The following EPS8L3 variants were observed in gnomAD, a reference collection of about 807,000 sequenced individuals.
EPS8L3 encodes the protein EPS8 signaling adaptor L3.
Under a neutral mutation model 88.5 loss-of-function variants are expected in EPS8L3, and 80 were observed. That is an observed-to-expected ratio of 0.90 (90% CI 0.75 to 1.09). The LOEUF (loss-of-function observed/expected upper bound fraction) is 1.09, where lower values mean the gene tolerates loss of function less well. Among genes scored for constraint, EPS8L3 ranks in the 50% least tolerant of loss-of-function variants. EPS8L3 has a pLI of 0.00. For synonymous variants in EPS8L3, 286 were observed against 291.0 expected (o/e 0.98, Z 0.18); for missense variants, 721 against 735.2 (o/e 0.98, Z 0.22).
rs762350313 is a variant in EPS8L3 at position 109,759,767 on chromosome 1, C to T, written c.166G>A (p.Glu56Lys). 11 of 1,614,022 alleles carry T rather than the reference C, an allele frequency of 6.8e-6. No homozygotes were observed. The highest frequency in any genetic ancestry group is 2.2e-5 in the East Asian group (1 of 44,898). Residue 56 changes from glutamate (E) to lysine (K), a missense_variant, in exon 4 of 19, where the codon GAG (glutamate) becomes AAG (lysine). Glu to Lys is a moderately conservative substitution (Grantham distance 56, BLOSUM62 1). Transcript: ENST00000361965. This position sits in a 1 kb window ranked among gnomAD's most constrained non-coding sequence, Gnocchi z 4.2. ...CACACCCGGCCCTGTGCATCCATCT[C>T]GAACAGCTTCTGCAAGGCATCCTCG... ...GPEDALQKLFEMDAQGRVWSQ... is the reference protein window; with the variant it reads ...GPEDALQKLFKMDAQGRVWSQ...
chr1:109,759,896 G>T lies in EPS8L3; in HGVS notation c.97-60C>A. On this transcript the variant is annotated intron_variant, in intron 3 of 18. Transcript: ENST00000361965. The surrounding 1 kb of genome is among the most constrained non-coding windows in gnomAD (Gnocchi z 4.2). Reference sequence around the variant, plus strand: ...AAGCTCAGAGAGGTGGACCACAGGCGTGCTGGGTAGAGAAAAGCAGAAGAG... The same window carrying T: ...AAGCTCAGAGAGGTGGACCACAGGCTTGCTGGGTAGAGAAAAGCAGAAGAG... 2 of 1,565,116 alleles carry T rather than the reference G, an allele frequency of 1.3e-6. No homozygotes were observed. The highest frequency in any genetic ancestry group is 1.1e-5 in the South Asian group (1 of 87,482).
intron 7 of EPS8L3, 32 bp from the exon 8 acceptor site, chr1:109,758,463 T>C (rs1650532499): frequency 6.4e-7 from 1 of 1,572,524 alleles, no homozygotes; most frequent in Admixed American, 1.9e-5. Context: ...GACCTAGATC[T>C]TAGATCTTTG....
At position 109,751,262 on chromosome 1, in the gene EPS8L3, A is replaced by C; in HGVS notation, c.1637+16T>G. The C allele has an allele frequency of 6.2e-7, 1 of 1,612,320 alleles. No individual in the cohort carries two copies. Among genetic ancestry groups the C allele is most frequent in the Non-Finnish European group, 8.5e-7 (1 of 1,178,890 alleles). On this transcript the variant is annotated intron_variant, in intron 17 of 18. Transcript: ENST00000361965. Reference sequence around the variant, plus strand: ...CAAAGTTTCTCCCTCCATATCCTGTAGGGCCAGGCACTCACGCAGTGGAGA... The same window carrying C: ...CAAAGTTTCTCCCTCCATATCCTGTCGGGCCAGGCACTCACGCAGTGGAGA...
chr1:109,751,325 C>A lies in EPS8L3; in HGVS notation c.1590G>T (p.Arg530Ser), dbSNP rs751079512. 9.3e-6 allele frequency: 15 copies of A among 1,613,928 alleles called. No homozygotes were observed. The highest frequency in any genetic ancestry group is 6.6e-5 in the South Asian group (6 of 91,022). The change falls in exon 17 of 19, where the codon AGG (arginine) becomes AGT (serine). Residue 530 changes from arginine (R) to serine (S), a missense_variant. By Grantham distance (110) the Arg-to-Ser change is moderately radical. Transcript: ENST00000361965. ...GCAGCCAGTCTGTGACCTCTTCAGGCCTCGAGCTAAGTCGAAGCATTGGAA... is the reference window on the plus strand; with the variant it reads ...GCAGCCAGTCTGTGACCTCTTCAGGACTCGAGCTAAGTCGAAGCATTGGAA... ...SRVPMLRLSS[R>S]PEEVTDWLQA...
At chr1:109,750,550 A>T (rs1649682606) in intron 18 of EPS8L3, 110 bp downstream of exon 18, 91 of 1,587,690 alleles carry the variant, frequency 5.7e-5, no homozygotes, top group Non-Finnish European at 7.7e-5. Context: ...CACCCGCCAC[A>T]CTCAGTTCTG....
intron 3 of EPS8L3, among the ~76,000 whole-genome samples, chr1:109,760,078 C>T (rs1199388660): frequency 1.3e-5 from 2 of 152,220 alleles, no homozygotes; most frequent in African/African-American, 4.8e-5. Context: ...GGTTTGAGGA[C>T]TCTGGAGGAA....
At chr1:109,756,046 A>T (rs934277082) in intron 12 of EPS8L3, among the ~76,000 whole-genome samples, 3 of 152,164 alleles carry the variant, frequency 2.0e-5, no homozygotes, top group Non-Finnish European at 4.4e-5. Flanking sequence ...AGAGCAAACT[A>T]TGCTTGTCAA....
At position 109,752,696 on chromosome 1, in the gene EPS8L3, C is replaced by T. The variant is rs1196337626; in HGVS notation, c.1225G>A (p.Val409Ile). 4 of 1,551,960 alleles carry T rather than the reference C, an allele frequency of 2.6e-6. No homozygotes were observed. Among genetic ancestry groups the T allele is most frequent in the Non-Finnish European group, 3.5e-6 (4 of 1,147,076 alleles). ...SQAPLGYQDP[V>I]SLRRGSHRLG... Reference sequence around the variant, plus strand: ...AAGCTCAGAGCATACCGAAGGGAAACAGGGTCCTGGTATCCTAAGGGTGCC... The same window carrying T: ...AAGCTCAGAGCATACCGAAGGGAAATAGGGTCCTGGTATCCTAAGGGTGCC... The change falls in exon 14 of 19, where the codon GTT becomes ATT. Residue 409 changes from valine (V) to isoleucine (I), a missense_variant. Transcript: ENST00000361965.
chr1:109,755,758 C>A (rs879593421), intron 12 of EPS8L3, among the ~76,000 whole-genome samples: 16 of 152,168 alleles, frequency 1.1e-4, no homozygotes, highest in Admixed American at 8.5e-4. Context: ...GTGGAGGCTG[C>A]AGTGAGGTGA....
intron 13 of EPS8L3, 81 bp from the exon 14 acceptor site, chr1:109,752,801 G>T: frequency 7.9e-7 from 1 of 1,267,022 alleles, no homozygotes; most frequent in Non-Finnish European, 1.1e-6. Flanking sequence ...CCGACCACAG[G>T]CATAAGCAGC....
At chr1:109,750,989 G>A (rs1649739175) in intron 17 of EPS8L3, among the ~76,000 whole-genome samples, 197 bp from the exon 18 acceptor site, 1 of 152,194 alleles carries the variant, frequency 6.6e-6, no homozygotes, top group Admixed American at 6.5e-5. Context: ...TGAAAGAAGT[G>A]CTCTGGGAGA....
In EPS8L3 at chr1:109,759,567, T is replaced by C. The variant is rs1650688661; in HGVS notation, c.255+111A>G. Reference sequence around the variant, plus strand: ...TCTTCCTAGGCTTGGGTGTGTGTTGTATGTGGGGAGAGTGGCTGCCCTTTG... The same window carrying C: ...TCTTCCTAGGCTTGGGTGTGTGTTGCATGTGGGGAGAGTGGCTGCCCTTTG... On this transcript the variant is annotated intron_variant, in intron 4 of 18. Transcript: ENST00000361965. The surrounding 1 kb of genome is among the most constrained non-coding windows in gnomAD (Gnocchi z 4.2). 2.1e-5 allele frequency: 31 copies of C among 1,491,474 alleles called. No homozygotes were observed. The highest frequency in any genetic ancestry group is 2.8e-5 in the Non-Finnish European group (31 of 1,107,620). The allele number at this position is 1,491,474 out of a possible 1,614,324, so 92.4% of individuals were successfully genotyped here.
At chr1:109,751,543 A>C in intron 16 of EPS8L3, 111 bp downstream of exon 16, 2 of 1,524,720 alleles carry the variant, frequency 1.3e-6, no homozygotes, top group Non-Finnish European at 1.8e-6. Flanking sequence ...AGCATGCAAT[A>C]ATACGGTCCG....
intron 12 of EPS8L3, among the ~76,000 whole-genome samples, chr1:109,756,271 TC>T (rs1312499567): frequency 3.3e-5 from 5 of 152,210 alleles, no homozygotes; most frequent in African/African-American, 1.2e-4. Context: ...GGAGTTTTGC[TC>T]CTGTTGCACA....
chr1:109,759,948 G>A lies in EPS8L3; in HGVS notation c.97-112C>T. 1 of 1,163,324 alleles carries A rather than the reference G, an allele frequency of 8.6e-7. No individual in the cohort carries two copies. Among genetic ancestry groups the A allele is most frequent in the South Asian group, 1.5e-5 (1 of 66,028 alleles). 72.1% of individuals were successfully genotyped at this position (1,163,324 alleles called of 1,614,324 possible). On this transcript the variant is annotated intron_variant, in intron 3 of 18. Coordinates refer to ENST00000361965, the MANE Select transcript of EPS8L3 (RefSeq NM_133181.4). This position sits in a 1 kb window ranked among gnomAD's most constrained non-coding sequence, Gnocchi z 4.2. ...AAGAAGACGTGTCCTCGGCCCCCTT[G>A]AGGTAGGAGGTTCCAGGCTTCAGAT...
intron 3 of EPS8L3, chr1:109,761,235 C>G: frequency 2.2e-6 from 1 of 447,038 alleles, no homozygotes; most frequent in Non-Finnish European, 4.1e-6. Context: ...CTACTTCTTC[C>G]TGTCTGGGGA....
At position 109,750,799 on chromosome 1, in the gene EPS8L3, A is replaced by G. The variant is rs1649718952; in HGVS notation, c.1638-7T>C. The G allele has an allele frequency of 6.2e-7, 1 of 1,614,156 alleles. No homozygotes were observed. On this transcript the variant is annotated splice_region_variant and splice_polypyrimidine_tract_variant and intron_variant, in intron 17 of 18. Transcript: ENST00000361965. ...CCCAAGTGTCCTCACCGTGCTGTGA[A>G]CAAAACAGCAAAAGCCATCCGTGGT...
In EPS8L3 at chr1:109,753,857, A is replaced by G. The variant is rs947157252; in HGVS notation, c.1119-659T>C. ...TCCCCTCCTTGCTTCACTGGGGCAG[A>G]AGTAAATATTCTGCTGAACTTGGTA... On this transcript the variant is annotated intron_variant, in intron 12 of 18. Transcript: ENST00000361965. 2.6e-5 allele frequency among the ~76,000 whole-genome samples: 4 copies of G among 152,236 alleles called. No individual in the cohort carries two copies. The South Asian group carries it at 6.2e-4, about 24-fold the overall frequency.
chr1:109,763,636 C>T (rs974242713), intron 1 of EPS8L3, among the ~76,000 whole-genome samples, 186 bp downstream of exon 1: 2 of 152,212 alleles, frequency 1.3e-5, no homozygotes, highest in African/African-American at 2.4e-5. Flanking sequence ...GCCTGGACCT[C>T]GCTCTGCTTT....
Sources: allele counts gnomAD v4.1 joint callset (sites outside exome capture counted in the v4.1 genomes callset), GRCh38; gene constraint gnomAD v4.1.1; non-coding constraint Gnocchi (gnomAD v3.1); transcripts MANE v1.5; gene names NCBI Gene and HGNC (gene_info 2026-07-23, HGNC 2026-07-21).